Variants in URM1 observed in about 807,000 individuals in gnomAD.
The protein encoded by URM1 is ubiquitin related modifier 1.
In URM1, 11 loss-of-function variants were observed where a neutral mutation model predicts 17.7. That is an observed-to-expected ratio of 0.62 (90% CI 0.39 to 1.03). The LOEUF (loss-of-function observed/expected upper bound fraction) is 1.03, where lower values mean the gene tolerates loss of function less well. URM1 is among the 50% of genes least tolerant of loss of function. The pLI, the probability that URM1 is intolerant of heterozygous loss-of-function variation, is 0.00. For missense variants in URM1, 128 were observed against 129.2 expected, an observed-to-expected ratio of 0.99 and a Z score of 0.04; for synonymous variants, 48 against 50.6, an observed-to-expected ratio of 0.95 and a Z score of 0.22.
rs1161286599 is a variant in URM1, at chr9:128,389,808, C to G, written c.*74C>G. The G allele has an allele frequency of 1.4e-5, 22 of 1,595,756 alleles. No homozygotes were observed. In the East Asian group the frequency reaches 5.0e-4, roughly 36 times the overall value. Reference sequence around the variant, plus strand: ...CAGACATCCCCTTGGGCCCTGCTTCCAGGTCTCCCTGTCCCCCTTGCCTGC... The same window carrying G: ...CAGACATCCCCTTGGGCCCTGCTTCGAGGTCTCCCTGTCCCCCTTGCCTGC... On this transcript the variant is annotated 3_prime_UTR_variant, in exon 5 of 5. Coordinates refer to ENST00000372853, the MANE Select transcript of URM1 (RefSeq NM_030914.4).
chr9:128,372,923 A>G (rs1833031413), intron 1 of URM1, among the ~76,000 whole-genome samples: 1 of 152,136 alleles, frequency 6.6e-6, no homozygotes, highest in African/African-American at 2.4e-5. Context: ...AAAAAAAAAA[A>G]AAGAAGATTT....
intron 4 of URM1, 29 bp downstream of exon 4, chr9:128,389,338 C>T: frequency 1.2e-6 from 2 of 1,613,968 alleles, no homozygotes; most frequent in Non-Finnish European, 1.7e-6. Context: ...ATCCCTCCCC[C>T]AGCCCCTGCC....
Position 128,389,714 on chromosome 9 carries a change from T to A in URM1, c.286T>A (p.Ser96Thr). 1.2e-6 allele frequency: 2 copies of A among 1,613,546 alleles called. No individual in the cohort carries two copies. The highest frequency in any genetic ancestry group is 1.7e-6 in the Non-Finnish European group (2 of 1,180,008). The change falls in exon 5 of 5, where the codon TCC becomes ACC. Residue 96 changes from serine to threonine, a missense_variant. By Grantham distance (58) the Ser-to-Thr change is moderately conservative. Transcript: ENST00000372853. The stretch of plus-strand genomic sequence containing the variant: ...GGACCAGGACAGCGTCCTCTTCATC[T>A]CCACTCTGCACGGCGGCTGAGGGCC... The part of the protein sequence containing the change: ...LQDQDSVLFI[S>T]TLHGG
rs368570056 is a variant in URM1, at chr9:128,389,719, T to G, written c.291T>G (p.Thr97=). Residue 97 remains threonine (T), a synonymous_variant, in exon 5 of 5, where the codon ACT becomes ACG. Transcript: ENST00000372853. ...QDQDSVLFIS[T]LHGG is the part of the protein sequence containing the mutation. The stretch of plus-strand genomic sequence containing the variant: ...AGGACAGCGTCCTCTTCATCTCCAC[T>G]CTGCACGGCGGCTGAGGGCCCTTCT... The G allele has an allele frequency of 6.2e-7, 1 of 1,613,380 alleles. No homozygotes were observed. The highest frequency in any genetic ancestry group is 1.7e-5 in the Admixed American group (1 of 59,982).
chr9:128,386,954 C>T (rs771811716), intron 2 of URM1, among the ~76,000 whole-genome samples: 6 of 152,208 alleles, frequency 3.9e-5, no homozygotes, highest in Non-Finnish European at 8.8e-5. Flanking sequence ...GGCCCTGTTT[C>T]GGGGGCGGAC....
chr9:128,378,524 CAAA>C (rs1193584827), intron 2 of URM1, among the ~76,000 whole-genome samples: 3 of 82,436 alleles, frequency 3.6e-5, no homozygotes, highest in Non-Finnish European at 6.6e-5. Flanking sequence ...GCCTGGGCGA[CAAA>C]GCAAGACTCC....
chr9:128,382,755 A>G (rs1408196283), intron 2 of URM1, among the ~76,000 whole-genome samples: 1 of 152,218 alleles, frequency 6.6e-6, no homozygotes, highest in Non-Finnish European at 1.5e-5. Flanking sequence ...TTCAAGATCC[A>G]AGTATATACA....
At chr9:128,381,395 T>C (rs1833157635) in intron 2 of URM1, among the ~76,000 whole-genome samples, 1 of 152,006 alleles carries the variant, frequency 6.6e-6, no homozygotes, top group Non-Finnish European at 1.5e-5. Context: ...AGAGGTCTCT[T>C]TAAGGAGGTA....
Position 128,386,215 on chromosome 9 carries a change from C to T in URM1, c.107-1601C>T, listed in dbSNP as rs138153002. Reference sequence around the variant, plus strand: ...GCTGGCTGATGGATGTGTCAGACCCCGGTGGCTCTATCGAGCAGCCACAAG... The same window carrying T: ...GCTGGCTGATGGATGTGTCAGACCCTGGTGGCTCTATCGAGCAGCCACAAG... On this transcript the variant is annotated intron_variant, in intron 2 of 4. Transcript: ENST00000372853. Among the ~76,000 whole-genome samples, 648 of 152,332 alleles carry T rather than the reference C, an allele frequency of 4.3e-3. 17 individuals are homozygous for T. Among genetic ancestry groups the T allele is most frequent in the Admixed American group, 0.034 (522 of 15,306 alleles).
At chr9:128,377,902 AG>A (rs1037062676) in intron 1 of URM1, 133 bp from the exon 2 acceptor site, 3 of 806,918 alleles carry the variant, frequency 3.7e-6, no homozygotes, top group African/African-American at 1.7e-5. Context: ...ACTGCACCCA[AG>A]GTGTTTCTGC....
At chr9:128,374,997 C>G (rs1293369441) in intron 1 of URM1, among the ~76,000 whole-genome samples, 1 of 152,154 alleles carries the variant, frequency 6.6e-6, no homozygotes, top group Non-Finnish European at 1.5e-5. Flanking sequence ...TTTTTTCTGA[C>G]CAGTCTGCTG....
At chr9:128,383,246 A>C (rs1833182383) in intron 2 of URM1, among the ~76,000 whole-genome samples, 1 of 152,182 alleles carries the variant, frequency 6.6e-6, no homozygotes, top group East Asian at 1.9e-4. Context: ...TTAATTAAAC[A>C]ATGAGGAGGT....
At chr9:128,378,544 A>G (rs1268929545) in intron 2 of URM1, among the ~76,000 whole-genome samples, 1 of 110,844 alleles carries the variant, frequency 9.0e-6, no homozygotes, top group Non-Finnish European at 1.7e-5. Context: ...CTCCATCTCA[A>G]AAAAAAAAAA....
chr9:128,376,808 G>A (rs1282911576), intron 1 of URM1, among the ~76,000 whole-genome samples: 22 of 152,072 alleles, frequency 1.4e-4, no homozygotes, highest in Non-Finnish European at 2.9e-5. Flanking sequence ...GCAACATGGC[G>A]AAATCCCATC....
intron 1 of URM1, among the ~76,000 whole-genome samples, chr9:128,372,821 C>T (rs1455960226): frequency 1.3e-5 from 2 of 151,980 alleles, no homozygotes; most frequent in Non-Finnish European, 2.9e-5. Flanking sequence ...TGCCTGTAAT[C>T]CTAGTACTTT....
At chr9:128,381,037 G>T (rs902268765) in intron 2 of URM1, among the ~76,000 whole-genome samples, 33 of 152,132 alleles carry the variant, frequency 2.2e-4, no homozygotes, top group Admixed American at 2.0e-3. Flanking sequence ...TGTTAGCCAG[G>T]ATGGTCTCGA....
At chr9:128,388,242 C>A in intron 3 of URM1, 1 of 1,131,758 alleles carries the variant, frequency 8.8e-7, no homozygotes, top group Non-Finnish European at 1.1e-6. Context: ...GTAGCTAGTA[C>A]AACTGAAGAG....
At chr9:128,381,089 G>C (rs1264444609) in intron 2 of URM1, among the ~76,000 whole-genome samples, 1 of 152,108 alleles carries the variant, frequency 6.6e-6, no homozygotes, top group Non-Finnish European at 1.5e-5. Flanking sequence ...CTCCCAAAGT[G>C]CTGGGATTAC....
rs916388320 is a variant in URM1, at chr9:128,387,284, G to A, written c.107-532G>A. On this transcript the variant is annotated intron_variant, in intron 2 of 4. Transcript: ENST00000372853. This position sits in a 1 kb window ranked among gnomAD's most constrained non-coding sequence, Gnocchi z 4.3. ...TGGTGAATGATCCTTCTCTCCCTCT[G>A]CCAGAGGAAATTAACTGATGTTATC... Among the ~76,000 whole-genome samples, 2 of 152,232 alleles carry A rather than the reference G, an allele frequency of 1.3e-5. No homozygotes were observed. The highest frequency in any genetic ancestry group is 4.8e-5 in the African/African-American group (2 of 41,466).
Sources: gnomAD v4.1 joint callset for allele counts (sites outside exome capture counted in the v4.1 genomes callset) on GRCh38, gnomAD v4.1.1 for gene constraint, Gnocchi (gnomAD v3.1) non-coding constraint, MANE v1.5 for transcripts, NCBI Gene and HGNC (gene_info 2026-07-23, HGNC 2026-07-21) for gene names.